The following SUCLG2 variants were observed in gnomAD, a reference collection of about 807,000 sequenced individuals.
SUCLG2 encodes succinate-CoA ligase GDP-forming subunit beta.
A neutral mutation model predicts 47.9 loss-of-function variants in SUCLG2; 42 were observed. The ratio of observed to expected loss-of-function variants is 0.88; its 90% CI spans 0.69 to 1.14. SUCLG2 has a LOEUF of 1.14. SUCLG2 is among the 50% of genes most tolerant of loss of function. SUCLG2 has a pLI of 0.00. For missense variants in SUCLG2, 571 were observed against 525.9 expected, an observed-to-expected ratio of 1.09 and a Z score of -0.84; for synonymous variants, 195 against 197.3, an observed-to-expected ratio of 0.99 and a Z score of 0.10.
At chr3:67,540,364 G>C (rs1706669587) in intron 2 of SUCLG2, among the ~76,000 whole-genome samples, 1 of 152,006 alleles carries the variant, frequency 6.6e-6, no homozygotes, top group Non-Finnish European at 1.5e-5. Flanking sequence ...GGTGGGAGGA[G>C]GGGCATCTGC....
rs184776801 is a variant in SUCLG2, at chr3:67,465,766, T to C, written c.1062+30032A>G. 2.8e-4 allele frequency among the ~76,000 whole-genome samples: 42 copies of C among 152,264 alleles called. No homozygotes were observed. In the South Asian group the frequency reaches 8.1e-3, roughly 29 times the overall value. On this transcript the variant is annotated intron_variant, in intron 9 of 10. Transcript: ENST00000307227. ...TGATAAAATCCTTGCACATTTAATC[T>C]TGTCTTGATGGCATCTGGGACCCTA...
At chr3:67,384,863 C>T (rs1174701059) in intron 10 of SUCLG2, among the ~76,000 whole-genome samples, 1 of 152,180 alleles carries the variant, frequency 6.6e-6, no homozygotes, top group Non-Finnish European at 1.5e-5. Context: ...GCAGCCACTG[C>T]CAATAAAGAG....
chr3:67,474,458 G>T (rs1575720776), intron 9 of SUCLG2, among the ~76,000 whole-genome samples: 1 of 152,138 alleles, frequency 6.6e-6, no homozygotes, highest in African/African-American at 2.4e-5. Context: ...AGCTGACAGA[G>T]ATGAGACAAG....
intron 9 of SUCLG2, among the ~76,000 whole-genome samples, chr3:67,407,854 T>C (rs1702850271): frequency 6.6e-6 from 1 of 152,258 alleles, no homozygotes; most frequent in South Asian, 2.1e-4. Flanking sequence ...TTTTCTTTTT[T>C]GTTGTTTTTA....
At chr3:67,422,334 G>A (rs1409132071) in intron 9 of SUCLG2, among the ~76,000 whole-genome samples, 1 of 151,352 alleles carries the variant, frequency 6.6e-6, no homozygotes, top group Admixed American at 6.6e-5. Context: ...AATTAGCTGG[G>A]CATGGTGGTG....
intron 1 of SUCLG2, among the ~76,000 whole-genome samples, chr3:67,637,846 G>C (rs1701035104): frequency 6.6e-6 from 1 of 152,142 alleles, no homozygotes; most frequent in Non-Finnish European, 1.5e-5. Context: ...CTTGCTATAA[G>C]AGGACAGTTA....
chr3:67,546,537 C>T (rs1437008458), intron 2 of SUCLG2, among the ~76,000 whole-genome samples: 1 of 152,156 alleles, frequency 6.6e-6, no homozygotes, highest in East Asian at 1.9e-4. Flanking sequence ...GAGTTCGAGA[C>T]CAGCCTGGCC....
chr3:67,377,947 C>T lies in SUCLG2; in HGVS notation c.1184-2088G>A, dbSNP rs141274895. ...GGGATTACAGGCATGAGCCCTTGCA[C>T]CCAGCCAAATCACTTCTTGAAGATG... On this transcript the variant is annotated intron_variant, in intron 10 of 10. Transcript: ENST00000307227. Among the ~76,000 whole-genome samples, 850 of 152,290 alleles carry T rather than the reference C, an allele frequency of 5.6e-3. 8 individuals carry two copies. Among genetic ancestry groups the T allele is most frequent in the African/African-American group, 0.019 (782 of 41,552 alleles).
intron 2 of SUCLG2, among the ~76,000 whole-genome samples, chr3:67,589,622 C>A (rs186186740): frequency 6.6e-6 from 1 of 152,188 alleles, no homozygotes; most frequent in Non-Finnish European, 1.5e-5. Context: ...AGAAGTCTAC[C>A]GAAATGGCCC....
intron 2 of SUCLG2, among the ~76,000 whole-genome samples, chr3:67,581,203 C>T (rs936955790): frequency 4.6e-5 from 7 of 152,180 alleles, no homozygotes; most frequent in Non-Finnish European, 8.8e-5. Context: ...TTTCTTTAGT[C>T]ATTCCCATGG....
chr3:67,624,969 G>A (rs900007859), intron 1 of SUCLG2, among the ~76,000 whole-genome samples: 1 of 152,180 alleles, frequency 6.6e-6, no homozygotes, highest in Non-Finnish European at 1.5e-5. Flanking sequence ...ATCTGACACA[G>A]TATCTAAGCA....
rs143544256 is a variant in SUCLG2 at position 67,447,620 on chromosome 3, T to C, written c.1063-46769A>G. Among the ~76,000 whole-genome samples, 6 of 152,342 alleles carry C rather than the reference T, an allele frequency of 3.9e-5. No individual in the cohort carries two copies. In the East Asian group the frequency reaches 9.6e-4, roughly 24 times the overall value. ...AGCTTTGACTCCCACAACAGAAGTA[T>C]TGGGTAATTAATGAACTATATTCCA... On this transcript the variant is annotated intron_variant, in intron 9 of 10. Coordinates refer to ENST00000307227, the MANE Select transcript of SUCLG2 (RefSeq NM_003848.4).
chr3:67,431,041 C>T (rs1223456493), intron 9 of SUCLG2, among the ~76,000 whole-genome samples: 1 of 152,166 alleles, frequency 6.6e-6, no homozygotes, highest in African/African-American at 2.4e-5. Context: ...GAGCTGGTAC[C>T]ATTCCTTCTG....
chr3:67,454,949 G>C (rs1704148043), intron 9 of SUCLG2, among the ~76,000 whole-genome samples: 1 of 127,292 alleles, frequency 7.9e-6, no homozygotes. Context: ...GCGACAGAGT[G>C]AGACTCCGTC....
At chr3:67,559,044 T>C (rs1353423092) in intron 2 of SUCLG2, among the ~76,000 whole-genome samples, 1 of 152,180 alleles carries the variant, frequency 6.6e-6, no homozygotes, top group Non-Finnish European at 1.5e-5. Context: ...AGTTTTTATG[T>C]GGGAGCAAAT....
At position 67,400,477 on chromosome 3, in the gene SUCLG2, C is replaced by A. The variant is rs151292492; in HGVS notation, c.1183+254G>T. ...CAAACACTAATCTCATAAAATGATT[C>A]ATAAATAAAAGGGCTTTTGCTCTGG... On this transcript the variant is annotated intron_variant, in intron 10 of 10. Transcript: ENST00000307227. Among the ~76,000 whole-genome samples, 843 of 152,228 alleles carry A rather than the reference C, an allele frequency of 5.5e-3. 10 individuals are homozygous for A. The highest frequency in any genetic ancestry group is 0.019 in the African/African-American group (800 of 41,538).
intron 9 of SUCLG2, among the ~76,000 whole-genome samples, chr3:67,478,791 G>A (rs1704834843): frequency 6.6e-6 from 1 of 152,200 alleles, no homozygotes; most frequent in African/African-American, 2.4e-5. Context: ...GGAAGAGAAT[G>A]AGCTCTACAT....
chr3:67,622,416 C>T (rs1700750961), intron 1 of SUCLG2, among the ~76,000 whole-genome samples: 1 of 152,162 alleles, frequency 6.6e-6, no homozygotes, highest in Admixed American at 6.5e-5. Context: ...CAGAAGGGAT[C>T]ATGGATTTTC....
At chr3:67,540,317 C>T (rs1006242455) in intron 2 of SUCLG2, among the ~76,000 whole-genome samples, 3 of 151,796 alleles carry the variant, frequency 2.0e-5, no homozygotes, top group South Asian at 2.1e-4. Flanking sequence ...AAATTCACAC[C>T]GCCAGCACAT....
Sources: gnomAD v4.1 joint callset for allele counts (sites outside exome capture counted in the v4.1 genomes callset) on GRCh38, gnomAD v4.1.1 for gene constraint, MANE v1.5 for transcripts, NCBI Gene and HGNC (gene_info 2026-07-23, HGNC 2026-07-21) for gene names.